LZTS3: variants seen among roughly 807,000 people sequenced by gnomAD.
LZTS3 encodes the protein leucine zipper putative tumor suppressor 3.
A neutral mutation model predicts 50.9 loss-of-function variants in LZTS3; 16 were observed. That is an observed-to-expected ratio of 0.31 (90% CI 0.21 to 0.48). The LOEUF (loss-of-function observed/expected upper bound fraction) is 0.48. LZTS3 is among the 20% of genes least tolerant of loss of function. The probability of loss-of-function intolerance (pLI) is 0.99; values close to 1 mark genes in which losing one functional copy is unlikely to be tolerated. For missense variants in LZTS3, 816 were observed against 931.0 expected (o/e 0.88, Z 1.61); for synonymous variants, 408 against 410.6 (o/e 0.99, Z 0.08).
chr20:3,165,129 G>T lies in LZTS3; in HGVS notation c.1347C>A (p.Ile449=), dbSNP rs116706499. 1.3e-6 allele frequency: 2 copies of T among 1,580,680 alleles called. No individual in the cohort carries two copies. The highest frequency in any genetic ancestry group is 4.5e-5 in the East Asian group (2 of 44,104). ...CCTTCAGCTGCTGCTTCAGGAGGGA[G>T]ATCTCGCCAGCCTTCTGGCACACCT... ...KWEVCQKAGE[I]SLLKQQLKDS... Residue 449 remains isoleucine (I), a synonymous_variant, in exon 5 of 5, where the codon ATC becomes ATA. Coordinates refer to ENST00000337576, the MANE Select transcript of LZTS3 (RefSeq NM_001365618.1). This position sits in a 1 kb window ranked among gnomAD's most constrained non-coding sequence, Gnocchi z 5.0.
rs777920657 is a variant in LZTS3 at position 3,165,854 on chromosome 20, C to T, written c.966G>A (p.Gln322=). 3 of 1,605,934 alleles carry T rather than the reference C, an allele frequency of 1.9e-6. No homozygotes were observed. Among genetic ancestry groups the T allele is most frequent in the South Asian group, 1.1e-5 (1 of 91,008 alleles). ...TCTCCCACAGCCGCTCCTCCAGCTCCTGGATGAGTGCACTGGGGGAGGGCG... is the reference window on the plus strand; with the variant it reads ...TCTCCCACAGCCGCTCCTCCAGCTCTTGGATGAGTGCACTGGGGGAGGGCG... ...CSPPSPSALI[Q]ELEERLWEKE... is the part of the protein sequence containing the mutation. The change falls in exon 4 of 5, where the codon CAG becomes CAA. Residue 322 remains glutamine (Q), a synonymous_variant. Coordinates refer to ENST00000337576, the MANE Select transcript of LZTS3 (RefSeq NM_001365618.1). This position sits in a 1 kb window ranked among gnomAD's most constrained non-coding sequence, Gnocchi z 5.0.
At chr20:3,170,494 A>AAAAACAAC (rs1568493209) in intron 1 of LZTS3, among the ~76,000 whole-genome samples, 3 of 149,258 alleles carry the variant, frequency 2.0e-5, no homozygotes, top group South Asian at 2.1e-4. Flanking sequence ...ATCAAAAAAA[A>AAAAACAAC]AAAAAAAAAA....
chr20:3,170,157 C>T (rs1002226564), intron 1 of LZTS3, among the ~76,000 whole-genome samples: 4 of 152,002 alleles, frequency 2.6e-5, no homozygotes, highest in Non-Finnish European at 5.9e-5. Context: ...GAGCTGGTCT[C>T]GAGACATCAC....
At chr20:3,167,472 C>G (rs1274926061) in intron 2 of LZTS3, 13 of 1,164,428 alleles carry the variant, frequency 1.1e-5, no homozygotes, top group Admixed American at 4.3e-5. Flanking sequence ...CGTTCCATTC[C>G]TAAACTTCTG....
chr20:3,166,491 TC>T, intron 3 of LZTS3, 131 bp from the exon 4 acceptor site: 4 of 1,254,378 alleles, frequency 3.2e-6, no homozygotes, highest in Non-Finnish European at 4.3e-6. Context: ...AGGTTCCCCA[TC>T]CGGGGTTCTA....
At chr20:3,167,520 GTGACCCTC>G in intron 2 of LZTS3, 1 of 1,066,324 alleles carries the variant, frequency 9.4e-7, no homozygotes, top group Non-Finnish European at 1.1e-6. Flanking sequence ...CCCAGGCTCA[GTGACCCTC>G]TCAACTCTTT....
At chr20:3,173,188 C>T (rs998818026) in intron 1 of LZTS3, among the ~76,000 whole-genome samples, 1 of 152,162 alleles carries the variant, frequency 6.6e-6, no homozygotes, top group Non-Finnish European at 1.5e-5. Flanking sequence ...GGCTCCCCAC[C>T]AACGCGTGTG....
At chr20:3,167,708 G>A (rs185584427) in intron 2 of LZTS3, 30 bp downstream of exon 2, 184 of 985,910 alleles carry the variant, frequency 1.9e-4, no homozygotes, top group Non-Finnish European at 2.1e-4. Flanking sequence ...TCCAAAAATT[G>A]AGGGTGGGGG....
At chr20:3,167,636 G>A in intron 2 of LZTS3, 102 bp downstream of exon 2, 1 of 989,876 alleles carries the variant, frequency 1.0e-6, no homozygotes, top group Non-Finnish European at 1.2e-6. Context: ...GGGGAGAGCA[G>A]TACCTGAATC....
intron 3 of LZTS3, 56 bp downstream of exon 3, chr20:3,166,649 G>A: frequency 1.3e-6 from 2 of 1,576,916 alleles, no homozygotes; most frequent in Non-Finnish European, 1.7e-6. Context: ...TTCCTCTCTG[G>A]GTTGCCTCCC....
At position 3,163,096 on chromosome 20, in the gene LZTS3, G is replaced by A. The variant is rs2066756114; in HGVS notation, c.*1358C>T. On this transcript the variant is annotated 3_prime_UTR_variant, in exon 5 of 5. Transcript: ENST00000337576. The surrounding 1 kb of genome is among the most constrained non-coding windows in gnomAD (Gnocchi z 5.2). ...TGCCCCCCAAAACTCAGTCTTGGGG[G>A]TGGGAGGAAGAGAGTGAAAAAGAGA... The A allele has an allele frequency of 6.5e-6, 1 of 152,708 alleles. No homozygotes were observed. The highest frequency in any genetic ancestry group is 1.5e-5 in the Non-Finnish European group (1 of 68,062). The allele number at this position is 152,708 out of a possible 1,614,324, so 9.5% of individuals were successfully genotyped here. A position where few individuals can be genotyped will look rare whatever the true frequency, so the allele number is the denominator to read the frequency against.
In LZTS3 at chr20:3,167,002, G is replaced by A. The variant is rs765177231; in HGVS notation, c.162C>T (p.Ser54=). 32 of 1,592,242 alleles carry A rather than the reference G, an allele frequency of 2.0e-5. No individual in the cohort carries two copies. Among genetic ancestry groups the A allele is most frequent in the Middle Eastern group, 1.7e-4 (1 of 6,040 alleles). ...VAHAQEFAMK[S]VGTRTGGGGS... Reference sequence around the variant, plus strand: ...CCCCACCCCCTGTGCGGGTACCCACGCTCTTCATGGCAAACTCCTGGGCAT... The same window carrying A: ...CCCCACCCCCTGTGCGGGTACCCACACTCTTCATGGCAAACTCCTGGGCAT... The change falls in exon 3 of 5, where the codon AGC becomes AGT. Residue 54 remains serine (S), a synonymous_variant. Transcript: ENST00000337576.
In LZTS3 at chr20:3,164,917, G is replaced by A; in HGVS notation, c.1559C>T (p.Ala520Val). ...GELPAACLKP[A>V]LTPVDPAEPQ... Reference sequence around the variant, plus strand: ...CTCGGCCGGGTCCACGGGGGTCAGCGCCGGCTTGAGGCAGGCGGCAGGCAG... The same window carrying A: ...CTCGGCCGGGTCCACGGGGGTCAGCACCGGCTTGAGGCAGGCGGCAGGCAG... Residue 520 changes from alanine to valine, a missense_variant, in exon 5 of 5, where the codon GCG (alanine) becomes GTG (valine). Physicochemically the swap from Ala to Val is moderately conservative, Grantham distance 64. Transcript: ENST00000337576. 1.3e-6 allele frequency: 2 copies of A among 1,548,124 alleles called. No homozygotes were observed. The highest frequency in any genetic ancestry group is 1.7e-4 in the Middle Eastern group (1 of 5,990).
Position 3,167,891 on chromosome 20 carries a change from G to A in LZTS3, c.-172C>T. 1.0e-6 allele frequency: 1 copy of A among 984,542 alleles called. No individual in the cohort carries two copies. Among genetic ancestry groups the A allele is most frequent in the Non-Finnish European group, 1.2e-6 (1 of 829,152 alleles). The allele number at this position is 984,542 out of a possible 1,614,324, so 61.0% of individuals were successfully genotyped here. On this transcript the variant is annotated 5_prime_UTR_variant, in exon 2 of 5. Coordinates refer to ENST00000337576, the MANE Select transcript of LZTS3 (RefSeq NM_001365618.1). ...GCCATGTGCCTCACTCTCGCAGTCG[G>A]GGCTCGGCCCGAACCAGCTGCGCGA...
chr20:3,167,340 G>A, intron 2 of LZTS3, 159 bp from the exon 3 acceptor site: 1 of 1,364,096 alleles, frequency 7.3e-7, no homozygotes, highest in Non-Finnish European at 9.4e-7. Context: ...ATAAGGCTGG[G>A]ATAAAAGAGA....
rs201973300 is a variant in LZTS3 at position 3,165,392 on chromosome 20, T to TC, written c.1323+104dup. The stretch of plus-strand genomic sequence containing the variant: ...ATTTTTGTCCCCCCTGCTCCTTTCA[T>TC]CCCCCCCCCCATCCCACCGTTATGA... On this transcript the variant is annotated intron_variant, in intron 4 of 4. Coordinates refer to ENST00000337576, the MANE Select transcript of LZTS3 (RefSeq NM_001365618.1). The surrounding 1 kb of genome is among the most constrained non-coding windows in gnomAD (Gnocchi z 5.0). 12,104 of 828,322 alleles carry TC rather than the reference T, an allele frequency of 0.015. 54 individuals carry two copies. Among genetic ancestry groups the TC allele is most frequent in the Middle Eastern group, 0.044 (109 of 2,474 alleles). The allele number at this position is 828,322 out of a possible 1,614,324, so 51.3% of individuals were successfully genotyped here. A position where few individuals can be genotyped will look rare whatever the true frequency, so the allele number is the denominator to read the frequency against.
chr20:3,165,619 T>G lies in LZTS3; in HGVS notation c.1201A>C (p.Lys401Gln). ...CGGGCCGCCTCCTCCTGCAGCTGCTTCTTGTCCTGCTGCAGCCGCAACACC... is the reference window on the plus strand; with the variant it reads ...CGGGCCGCCTCCTCCTGCAGCTGCTGCTTGTCCTGCTGCAGCCGCAACACC... Reference protein sequence around the residue: ...LQVLRLQQDKKQLQEEAARLM... With the variant: ...LQVLRLQQDKQQLQEEAARLM... The change falls in exon 4 of 5, where the codon AAG (lysine) becomes CAG (glutamine). Residue 401 changes from lysine to glutamine, a missense_variant. By Grantham distance (53) the Lys-to-Gln change is moderately conservative (BLOSUM62 1). Around this residue, in one of 3 missense-constraint regions of LZTS3, gnomAD observed 700 missense variants for 769.4 expected, o/e 0.91. Coordinates refer to ENST00000337576, the MANE Select transcript of LZTS3 (RefSeq NM_001365618.1). This position sits in a 1 kb window ranked among gnomAD's most constrained non-coding sequence, Gnocchi z 5.0. The G allele has an allele frequency of 6.3e-7, 1 of 1,596,428 alleles. No individual in the cohort carries two copies. Among genetic ancestry groups the G allele is most frequent in the Non-Finnish European group, 8.5e-7 (1 of 1,178,712 alleles).
Position 3,165,022 on chromosome 20 carries a change from C to T in LZTS3, c.1454G>A (p.Arg485Gln), listed in dbSNP as rs1427799246. 6.4e-7 allele frequency: 1 copy of T among 1,560,922 alleles called. No individual in the cohort carries two copies. Among genetic ancestry groups the T allele is most frequent in the African/African-American group, 1.3e-5 (1 of 74,132 alleles). ...SQLREGRASL[R>Q]EKEEQLLSLR... ...GCTGAGCAGCTGCTCCTCCTTCTCC[C>T]GCAGCGAAGCCCGGCCCTCCCGCAG... Residue 485 changes from arginine to glutamine, a missense_variant, in exon 5 of 5, where the codon CGG becomes CAG. Physicochemically the swap from Arg to Gln is conservative, Grantham distance 43. This residue lies in a region of LZTS3 where 700 missense variants were observed against 769.4 expected (regional missense o/e 0.91). Transcript: ENST00000337576. This position sits in a 1 kb window ranked among gnomAD's most constrained non-coding sequence, Gnocchi z 5.0.
chr20:3,170,498 A>C (rs1046622626), intron 1 of LZTS3, among the ~76,000 whole-genome samples: 8 of 150,080 alleles, frequency 5.3e-5, no homozygotes, highest in Non-Finnish European at 1.2e-4. Context: ...AAAAAAAAAA[A>C]AAAAAAAACA....
Sources: gnomAD v4.1 joint callset for allele counts (sites outside exome capture counted in the v4.1 genomes callset) on GRCh38, gnomAD v4.1.1 for gene constraint, gnomAD v4.1.1 regional missense constraint, Gnocchi (gnomAD v3.1) non-coding constraint, MANE v1.5 for transcripts, NCBI Gene and HGNC (gene_info 2026-07-23, HGNC 2026-07-21) for gene names.